The following FREM3 variants were observed in gnomAD, a reference collection of about 807,000 sequenced individuals.
FREM3 encodes FRAS1 related extracellular matrix 3.
Under a neutral mutation model 129.1 loss-of-function variants are expected in FREM3, and 105 were observed. The observed-to-expected ratio is 0.81, with a 90% CI of 0.69 to 0.96. The LOEUF is 0.96. Ranked by LOEUF, FREM3 falls within the 40% of genes least tolerant of loss-of-function variation. The pLI, the probability that FREM3 is intolerant of heterozygous loss-of-function variation, is 0.00. For missense variants in FREM3, 2,593 were observed against 2,666.3 expected, an observed-to-expected ratio of 0.97 and a Z score of 0.61; for synonymous variants, 1,014 against 1,044.9, an observed-to-expected ratio of 0.97 and a Z score of 0.57.
chr4:143,625,916 C>T (rs1466522538), intron 3 of FREM3, among the ~76,000 whole-genome samples: 1 of 152,182 alleles, frequency 6.6e-6, no homozygotes, highest in East Asian at 1.9e-4. Flanking sequence ...ATTACGAATT[C>T]CCCTCAAACA....
At chr4:143,661,366 G>A (rs1739719936) in intron 2 of FREM3, among the ~76,000 whole-genome samples, 2 of 152,008 alleles carry the variant, frequency 1.3e-5, no homozygotes, top group South Asian at 2.1e-4. Flanking sequence ...TTTGTCTTTG[G>A]TTCTGTTTAT....
At chr4:143,639,347 C>A (rs898170573) in intron 2 of FREM3, among the ~76,000 whole-genome samples, 1 of 152,114 alleles carries the variant, frequency 6.6e-6, no homozygotes, top group Non-Finnish European at 1.5e-5. Flanking sequence ...CAGAACTGGA[C>A]TGAGTGAGGA....
intron 6 of FREM3, among the ~76,000 whole-genome samples, chr4:143,592,876 C>T (rs1405860923): frequency 2.0e-5 from 3 of 152,176 alleles, no homozygotes; most frequent in Non-Finnish European, 2.9e-5. Context: ...TCAGGTACAC[C>T]AGTCAGACGT....
intron 2 of FREM3, among the ~76,000 whole-genome samples, chr4:143,640,873 C>T (rs1290214368): frequency 2.0e-5 from 3 of 152,236 alleles, no homozygotes; most frequent in Middle Eastern, 3.4e-3. Flanking sequence ...AAATGACTTA[C>T]ATGTCCGTAG....
Position 143,699,551 on chromosome 4 carries a change from G to A in FREM3, c.1125C>T (p.Ser375=). Residue 375 remains serine, a synonymous_variant, in exon 1 of 8, where the codon TCC becomes TCT. Transcript: ENST00000329798. This position sits in a 1 kb window ranked among gnomAD's most constrained non-coding sequence, Gnocchi z 4.2. ...STDDPLGLPV[S]FFTQQELREL... ...CCCTCAGCTCCTGCTGGGTGAAGAA[G>A]GAGACTGGAAGCCCTAGAGGGTCGT... The A allele has an allele frequency of 6.5e-7, 1 of 1,537,142 alleles. No homozygotes were observed. The highest frequency in any genetic ancestry group is 2.4e-5 in the East Asian group (1 of 40,910).
intron 6 of FREM3, among the ~76,000 whole-genome samples, chr4:143,609,745 A>G (rs1265114442): frequency 6.6e-6 from 1 of 152,196 alleles, no homozygotes; most frequent in Admixed American, 6.5e-5. Context: ...CTTCATATTA[A>G]TCAACTAGAC....
chr4:143,668,944 T>A (rs1041565812), intron 2 of FREM3, among the ~76,000 whole-genome samples: 4 of 152,174 alleles, frequency 2.6e-5, no homozygotes, highest in African/African-American at 9.7e-5. Flanking sequence ...TAGAAAGCAA[T>A]CTGTAGGTAG....
chr4:143,697,231 T>A lies in FREM3; in HGVS notation c.3445A>T (p.Ile1149Phe). ...TTGTGAATACTCTGTACATAATTGA[T>A]ATGCCTCACTTGGATATCTCTGAGG... Reference protein sequence around the residue: ...FSLRDIQVRHINYVQSIHKGV... With the variant: ...FSLRDIQVRHFNYVQSIHKGV... Residue 1149 changes from isoleucine (I) to phenylalanine (F), a missense_variant, in exon 1 of 8, where the codon ATC becomes TTC. Around this residue, in one of 2 missense-constraint regions of FREM3, gnomAD observed 2,276 missense variants for 2,267.2 expected, o/e 1.00. Coordinates refer to ENST00000329798, the MANE Select transcript of FREM3 (RefSeq NM_001168235.2). 1.3e-6 allele frequency: 2 copies of A among 1,537,748 alleles called. No homozygotes were observed. The highest frequency in any genetic ancestry group is 1.7e-6 in the Non-Finnish European group (2 of 1,146,996).
chr4:143,612,093 T>C (rs1412483393), intron 5 of FREM3, among the ~76,000 whole-genome samples: 1 of 152,204 alleles, frequency 6.6e-6, no homozygotes, highest in African/African-American at 2.4e-5. Flanking sequence ...TAAATGTTAT[T>C]TTAATAGTTT....
In FREM3 at chr4:143,600,000, G is replaced by C. The variant is rs574826552; in HGVS notation, c.6028+11279C>G. On this transcript the variant is annotated intron_variant, in intron 6 of 7. Transcript: ENST00000329798. ...TTAGGGAGCTATTTAAAAATCTAGTGGTTGGTCTTCACATTTTCTGAGTCA... is the reference window on the plus strand; with the variant it reads ...TTAGGGAGCTATTTAAAAATCTAGTCGTTGGTCTTCACATTTTCTGAGTCA... Among the ~76,000 whole-genome samples the C allele has an allele frequency of 2.6e-5, 4 of 152,150 alleles. No individual in the cohort carries two copies. The South Asian group carries it at 8.3e-4, about 32-fold the overall frequency.
rs1271471602 is a variant in FREM3 at position 143,695,942 on chromosome 4, C to T, written c.4734G>A (p.Gln1578=). The change falls in exon 1 of 8, where the codon CAG becomes CAA. Residue 1578 remains glutamine, a synonymous_variant. Transcript: ENST00000329798. ...ACAAAATCTTGCCATGCATGGGGAC[C>T]TGGGTGATGGTAAAGAGAATAAGGT... is the stretch of plus-strand genomic sequence containing the variant. ...PDDLILFTIT[Q]VPMHGKILYN... is the part of the protein sequence containing the mutation. The T allele has an allele frequency of 3.3e-6, 5 of 1,537,664 alleles. No homozygotes were observed. The highest frequency in any genetic ancestry group is 1.7e-4 in the Middle Eastern group (1 of 6,018).
intron 2 of FREM3, among the ~76,000 whole-genome samples, chr4:143,664,184 T>C (rs1739803637): frequency 5.9e-5 from 9 of 152,170 alleles, no homozygotes; most frequent in Admixed American, 5.9e-4. Context: ...TTTCCAGTTT[T>C]TCTGCTCTGT....
In FREM3 at chr4:143,698,999, C is replaced by T; in HGVS notation, c.1677G>A (p.Val559=). ...TCAGTACAAAGGGAGAGATCTGGAC[C>T]ACCTGCCCTTCAGTGAGTGAGAGTC... The part of the protein sequence containing the change: ...NTGLSLTEGQ[V]VQISPFVLSA... Residue 559 remains valine (V), a synonymous_variant, in exon 1 of 8, where the codon GTG becomes GTA. Transcript: ENST00000329798. 6.5e-7 allele frequency: 1 copy of T among 1,537,298 alleles called. No homozygotes were observed. Among genetic ancestry groups the T allele is most frequent in the South Asian group, 1.2e-5 (1 of 84,066 alleles).
intron 2 of FREM3, among the ~76,000 whole-genome samples, chr4:143,673,780 C>T (rs1051420263): frequency 6.6e-6 from 1 of 152,256 alleles, no homozygotes; most frequent in Non-Finnish European, 1.5e-5. Flanking sequence ...CCTACTCAAG[C>T]CTCAGCAATG....
At chr4:143,589,261 A>C (rs1242505148) in intron 6 of FREM3, among the ~76,000 whole-genome samples, 2 of 151,986 alleles carry the variant, frequency 1.3e-5, no homozygotes, top group African/African-American at 2.4e-5. Flanking sequence ...CCCATTTGTC[A>C]ATTTTGGCTT....
At chr4:143,678,974 C>G (rs905897612) in intron 2 of FREM3, among the ~76,000 whole-genome samples, 15 of 152,070 alleles carry the variant, frequency 9.9e-5, no homozygotes, top group Non-Finnish European at 2.2e-4. Flanking sequence ...TATACATATT[C>G]TGCTCTGTGA....
At chr4:143,622,020 A>G (rs1162662568) in intron 4 of FREM3, among the ~76,000 whole-genome samples, 3 of 151,794 alleles carry the variant, frequency 2.0e-5, no homozygotes, top group South Asian at 4.2e-4. Context: ...TCTTTTCTTT[A>G]TGTTACATAT....
chr4:143,595,395 G>T (rs1433783232), intron 6 of FREM3, among the ~76,000 whole-genome samples: 1 of 151,578 alleles, frequency 6.6e-6, no homozygotes, highest in Non-Finnish European at 1.5e-5. Context: ...CCAATTCAAT[G>T]TTTTTTTAAA....
chr4:143,626,560 T>C (rs955788273), intron 3 of FREM3, among the ~76,000 whole-genome samples: 13 of 152,052 alleles, frequency 8.5e-5, no homozygotes, highest in African/African-American at 2.9e-4. Context: ...AGATAAAGAA[T>C]TGTGGAAGTA....
Sources: gnomAD v4.1 joint callset for allele counts (sites outside exome capture counted in the v4.1 genomes callset) on GRCh38, gnomAD v4.1.1 for gene constraint, gnomAD v4.1.1 regional missense constraint, Gnocchi (gnomAD v3.1) non-coding constraint, MANE v1.5 for transcripts, NCBI Gene and HGNC (gene_info 2026-07-23, HGNC 2026-07-21) for gene names.